BLTP3A: variants seen among roughly 807,000 people sequenced by gnomAD.
BLTP3A encodes the protein bridge-like lipid transfer protein family member 3A.
the BLTP3A span, among the ~76,000 whole-genome samples, chr6:34,806,820 C>T: frequency 2.6e-5 from 4 of 152,128 alleles, no homozygotes; most frequent in Non-Finnish European, 4.4e-5. Context: ...CCACCACGCC[C>T]GGCTAATTTT....
the BLTP3A span, chr6:34,858,773 C>G: frequency 1.2e-6 from 2 of 1,614,154 alleles, no homozygotes; most frequent in Non-Finnish European, 1.7e-6. Flanking sequence ...AACAAAGGGC[C>G]TCTGACAGAG....
the BLTP3A span, among the ~76,000 whole-genome samples, chr6:34,812,305 G>A: frequency 1.3e-5 from 2 of 149,146 alleles, no homozygotes; most frequent in Non-Finnish European, 3.0e-5. Context: ...CTCTAGCCTG[G>A]GCAACAGAGC....
chr6:34,792,099 C>T, the BLTP3A span: 5 of 420,166 alleles, frequency 1.2e-5, no homozygotes, highest in Admixed American at 5.5e-5. Flanking sequence ...GAGCGCCAGG[C>T]GCCCAAAGAG....
chr6:34,856,785 T>C, the BLTP3A span: 327 of 1,609,970 alleles, frequency 2.0e-4, no homozygotes, highest in Non-Finnish European at 2.7e-4. Flanking sequence ...CTTATTTTTA[T>C]TTAGATTCTC....
chr6:34,803,732 C>T, the BLTP3A span, among the ~76,000 whole-genome samples: 1 of 152,074 alleles, frequency 6.6e-6, no homozygotes, highest in Non-Finnish European at 1.5e-5. Flanking sequence ...GGGGACAGGA[C>T]ATGGGTGTGG....
chr6:34,872,447 G>A, the BLTP3A span: 1 of 1,604,338 alleles, frequency 6.2e-7, no homozygotes, highest in South Asian at 1.1e-5. Context: ...GAAACCAGTG[G>A]CTCAGCCATC....
the BLTP3A span, chr6:34,864,079 T>C: frequency 0.11 from 178,657 of 1,613,362 alleles, 10,672 homozygotes; most frequent in African/African-American, 0.2. Context: ...TTTTTCTCCA[T>C]GAAGAGGACG....
the BLTP3A span, among the ~76,000 whole-genome samples, chr6:34,799,826 T>A: frequency 6.6e-6 from 1 of 152,160 alleles, no homozygotes; most frequent in Non-Finnish European, 1.5e-5. Flanking sequence ...AAGTATTCCA[T>A]AAACAATAAC....
the BLTP3A span, chr6:34,872,036 G>C: frequency 9.4e-7 from 1 of 1,059,064 alleles, no homozygotes; most frequent in Non-Finnish European, 1.4e-6. Context: ...GCCTGCATGT[G>C]GGTGTTTTGG....
the BLTP3A span, among the ~76,000 whole-genome samples, chr6:34,838,373 G>T: frequency 6.6e-6 from 1 of 152,188 alleles, no homozygotes; most frequent in Non-Finnish European, 1.5e-5. Flanking sequence ...AGATGAACCA[G>T]ATTACTTGGT....
the BLTP3A span, among the ~76,000 whole-genome samples, chr6:34,840,992 T>C: frequency 1.3e-5 from 2 of 152,068 alleles, no homozygotes; most frequent in African/African-American, 4.8e-5. Context: ...TTGTTGTCGT[T>C]GTTGCTTTTG....
chr6:34,842,664 A>G, the BLTP3A span, among the ~76,000 whole-genome samples: 72 of 152,282 alleles, frequency 4.7e-4, 1 homozygote, highest in African/African-American at 1.6e-3. Context: ...ATTAAAAAGT[A>G]AAAATAAAGT....
At chr6:34,855,597 C>A in the BLTP3A span, 667 of 1,611,996 alleles carry the variant, frequency 4.1e-4, 2 homozygotes, top group Middle Eastern at 3.3e-4. Flanking sequence ...CTGCCATTCA[C>A]CTGTATTTTT....
the BLTP3A span, among the ~76,000 whole-genome samples, chr6:34,792,465 G>A: frequency 6.6e-6 from 1 of 152,050 alleles, no homozygotes; most frequent in South Asian, 2.1e-4. Context: ...CGCGCCCGCC[G>A]GCGCCCACCG....
chr6:34,865,836 G>A, the BLTP3A span, among the ~76,000 whole-genome samples: 2 of 152,138 alleles, frequency 1.3e-5, no homozygotes, highest in Non-Finnish European at 2.9e-5. Flanking sequence ...ACTTCTTATG[G>A]AAGATTTCAT....
the BLTP3A span, among the ~76,000 whole-genome samples, chr6:34,796,608 A>G: frequency 6.6e-5 from 10 of 152,262 alleles, no homozygotes; most frequent in Non-Finnish European, 1.0e-4. Context: ...GACCTAAGCT[A>G]ATGACCTTTC....
the BLTP3A span, among the ~76,000 whole-genome samples, chr6:34,869,766 C>T: frequency 1.7e-4 from 25 of 150,506 alleles, no homozygotes; most frequent in East Asian, 4.5e-3. Context: ...ATTCTCATGC[C>T]TCAGCCTCCT....
the BLTP3A span, among the ~76,000 whole-genome samples, chr6:34,793,130 A>G: frequency 6.6e-6 from 1 of 152,198 alleles, no homozygotes. Context: ...AAGCAATGTT[A>G]TGTCGCTGAG....
chr6:34,824,618 T>C, the BLTP3A span, among the ~76,000 whole-genome samples: 1 of 151,268 alleles, frequency 6.6e-6, no homozygotes, highest in Non-Finnish European at 1.5e-5. Flanking sequence ...TCATAATCAA[T>C]TTTCCTGGAT....
Sources: allele counts gnomAD v4.1 joint callset (sites outside exome capture counted in the v4.1 genomes callset), GRCh38; gene constraint gnomAD v4.1.1; transcripts MANE v1.5; gene names NCBI Gene and HGNC (gene_info 2026-07-23, HGNC 2026-07-21).